ADAM23: variants seen among roughly 807,000 people sequenced by gnomAD.
ADAM23 encodes the protein ADAM metallopeptidase domain 23.
Under a neutral mutation model 120.1 loss-of-function variants are expected in ADAM23, and 33 were observed. That is an observed-to-expected ratio of 0.27 (90% CI 0.21 to 0.37). The LOEUF (loss-of-function observed/expected upper bound fraction) is 0.37. Among genes scored for constraint, ADAM23 ranks in the 10% least tolerant of loss-of-function variants. ADAM23 has a pLI of 1.00. For missense variants in ADAM23, 862 were observed against 1,058.2 expected (o/e 0.81, Z 2.57); for synonymous variants, 367 against 375.2 (o/e 0.98, Z 0.25).
At position 206,619,098 on chromosome 2, in the gene ADAM23, A is replaced by G. The variant is rs1698992861; in HGVS notation, c.*1471A>G. 1 of 152,220 alleles carries G rather than the reference A, an allele frequency of 6.6e-6. No individual in the cohort carries two copies. The highest frequency in any genetic ancestry group is 2.1e-4 in the South Asian group (1 of 4,832). 9.4% of individuals were successfully genotyped at this position (152,220 alleles called of 1,614,324 possible). The stretch of plus-strand genomic sequence containing the variant: ...CCCTATTGGAAAAGTGGTAATGGGA[A>G]TAGAAGGAGCAGTTACCTTTGTATC... On this transcript the variant is annotated 3_prime_UTR_variant, in exon 26 of 26. Transcript: ENST00000264377.
At chr2:206,513,928 T>G (rs1451568164) in intron 3 of ADAM23, among the ~76,000 whole-genome samples, 1 of 152,206 alleles carries the variant, frequency 6.6e-6, no homozygotes, top group Non-Finnish European at 1.5e-5. Context: ...CACATCTGTT[T>G]ACAATATGGT....
chr2:206,558,218 G>C (rs1433044498), intron 10 of ADAM23, among the ~76,000 whole-genome samples: 1 of 152,026 alleles, frequency 6.6e-6, no homozygotes, highest in African/African-American at 2.4e-5. Context: ...GAATATTTAA[G>C]TTGACTAGTC....
chr2:206,488,403 C>T (rs1696060925), intron 3 of ADAM23, among the ~76,000 whole-genome samples: 1 of 152,084 alleles, frequency 6.6e-6, no homozygotes, highest in South Asian at 2.1e-4. Context: ...AGGTGGGATT[C>T]CATGGGACTC....
At position 206,486,853 on chromosome 2, in the gene ADAM23, C is replaced by G. The variant is rs1349644144; in HGVS notation, c.509+5545C>G. On this transcript the variant is annotated intron_variant, in intron 3 of 25. Coordinates refer to ENST00000264377, the MANE Select transcript of ADAM23 (RefSeq NM_003812.4). ...AATTCTAGAACGTTTTCATCATCCC[C>G]AAGAAACCCTGTACCCATTAGCAGT... Among the ~76,000 whole-genome samples the G allele has an allele frequency of 3.3e-5, 5 of 152,154 alleles. No homozygotes were observed. The East Asian group carries it at 7.7e-4, about 23-fold the overall frequency.
chr2:206,471,721 G>A (rs914879474), intron 2 of ADAM23, among the ~76,000 whole-genome samples: 1 of 152,124 alleles, frequency 6.6e-6, no homozygotes, highest in Non-Finnish European at 1.5e-5. Context: ...TTGGAGTTGT[G>A]CAGTTTGGTG....
At chr2:206,577,792 T>C (rs1698144490) in intron 18 of ADAM23, among the ~76,000 whole-genome samples, 1 of 151,804 alleles carries the variant, frequency 6.6e-6, no homozygotes, top group Non-Finnish European at 1.5e-5. Context: ...ATGGGATGGC[T>C]TGGTCAAATG....
intron 18 of ADAM23, among the ~76,000 whole-genome samples, chr2:206,577,453 C>T (rs1435082765): frequency 7.2e-6 from 1 of 138,478 alleles, no homozygotes; most frequent in Non-Finnish European, 1.5e-5. Context: ...TGATGTTCCC[C>T]TTCCTGTGTC....
chr2:206,615,057 AATG>A (rs1279109642), intron 25 of ADAM23, among the ~76,000 whole-genome samples: 1 of 152,196 alleles, frequency 6.6e-6, no homozygotes, highest in Non-Finnish European at 1.5e-5. Flanking sequence ...CTCAGCATAG[AATG>A]ATAAGAATGT....
Position 206,444,049 on chromosome 2 carries a change from G to C in ADAM23, c.183G>C (p.Arg61=). ...TGCCTCCGCTCGCCGCCTCGTCCCG[G>C]CCCCGCGCCTGGGGGGCTGCTGCGC... is the stretch of plus-strand genomic sequence containing the variant. ...LLLPPLAASS[R]PRAWGAAAPS... Residue 61 remains arginine (R), a synonymous_variant, in exon 1 of 26, where the codon CGG becomes CGC. Transcript: ENST00000264377. 7.1e-7 allele frequency: 1 copy of C among 1,400,222 alleles called. No individual in the cohort carries two copies. Among genetic ancestry groups the C allele is most frequent in the Non-Finnish European group, 9.3e-7 (1 of 1,073,872 alleles). 86.7% of individuals were successfully genotyped at this position (1,400,222 alleles called of 1,614,324 possible).
chr2:206,487,475 A>C (rs1696038817), intron 3 of ADAM23, among the ~76,000 whole-genome samples: 1 of 152,214 alleles, frequency 6.6e-6, no homozygotes, highest in African/African-American at 2.4e-5. Context: ...ACATACTTCC[A>C]TTGAGTTGAA....
intron 3 of ADAM23, among the ~76,000 whole-genome samples, chr2:206,509,422 CAG>C (rs1696574323): frequency 6.6e-6 from 1 of 151,792 alleles, no homozygotes; most frequent in African/African-American, 2.4e-5. Context: ...ATTTATTTTT[CAG>C]GGGGAGATTA....
At chr2:206,528,088 T>A (rs1054471749) in intron 3 of ADAM23, among the ~76,000 whole-genome samples, 33 of 152,182 alleles carry the variant, frequency 2.2e-4, no homozygotes, top group African/African-American at 7.7e-4. Flanking sequence ...TAACGTTGTT[T>A]CCAACTCTTA....
At chr2:206,562,350 T>C in intron 13 of ADAM23, 57 bp downstream of exon 13, 3 of 1,211,252 alleles carry the variant, frequency 2.5e-6, no homozygotes, top group South Asian at 2.6e-5. Flanking sequence ...GTATAATGCA[T>C]GTCCAGTCAA....
chr2:206,560,836 T>C (rs557227565), intron 11 of ADAM23, among the ~76,000 whole-genome samples: 2 of 152,368 alleles, frequency 1.3e-5, no homozygotes, highest in Admixed American at 6.5e-5. Flanking sequence ...CTGCTAGATA[T>C]TCTCTACTAG....
At position 206,512,306 on chromosome 2, in the gene ADAM23, A is replaced by T. The variant is rs559499941; in HGVS notation, c.510-18579A>T. Among the ~76,000 whole-genome samples, 55 of 152,364 alleles carry T rather than the reference A, an allele frequency of 3.6e-4. 1 individual carries two copies. In the South Asian group the frequency reaches 0.011, roughly 29 times the overall value. On this transcript the variant is annotated intron_variant, in intron 3 of 25. Transcript: ENST00000264377. ...TTAAGAATTGTAAGAATGATCAGGC[A>T]TGAGACACAGAAAAAAGGAAAAAAG... is the stretch of plus-strand genomic sequence containing the variant.
chr2:206,537,301 G>A (rs910324918), intron 4 of ADAM23, among the ~76,000 whole-genome samples: 1 of 152,164 alleles, frequency 6.6e-6, no homozygotes, highest in Non-Finnish European at 1.5e-5. Context: ...CAGCAGGAGA[G>A]CATGGATTGT....
At chr2:206,581,542 T>C (rs902174213) in intron 18 of ADAM23, among the ~76,000 whole-genome samples, 1 of 152,252 alleles carries the variant, frequency 6.6e-6, no homozygotes, top group Non-Finnish European at 1.5e-5. Context: ...AAGGTTCCTT[T>C]TGGAGTCAAT....
intron 16 of ADAM23, among the ~76,000 whole-genome samples, chr2:206,571,193 C>T (rs371640155): frequency 6.6e-6 from 1 of 152,204 alleles, no homozygotes; most frequent in South Asian, 2.1e-4. Context: ...TAAGCTTTCT[C>T]GGCCGGGCGC....
At chr2:206,562,023 G>C (rs1487376842) in intron 12 of ADAM23, among the ~76,000 whole-genome samples, 180 bp from the exon 13 acceptor site, 3 of 152,130 alleles carry the variant, frequency 2.0e-5, no homozygotes, top group Non-Finnish European at 4.4e-5. Context: ...TAGTAAGAGG[G>C]GCTTTCTGCT....
Sources: gnomAD v4.1 joint callset for allele counts (sites outside exome capture counted in the v4.1 genomes callset) on GRCh38, gnomAD v4.1.1 for gene constraint, MANE v1.5 for transcripts, NCBI Gene and HGNC (gene_info 2026-07-23, HGNC 2026-07-21) for gene names.